BBS9: variants seen among roughly 807,000 people sequenced by gnomAD.
BBS9 encodes the protein protein PTHB1.
Under a neutral mutation model 117.7 loss-of-function variants are expected in BBS9, and 89 were observed. That is an observed-to-expected ratio of 0.76 (90% confidence interval 0.64 to 0.90). The LOEUF is 0.90. Ranked by LOEUF, BBS9 falls within the 40% of genes least tolerant of loss-of-function variation. The probability of loss-of-function intolerance (pLI) is 0.00; values close to 1 mark genes in which losing one functional copy is unlikely to be tolerated. For missense variants in BBS9, 982 were observed against 1,042.2 expected (o/e 0.94, Z 0.80); for synonymous variants, 379 against 370.9 (o/e 1.02, Z -0.25).
chr7:33,634,569 ACC>A lies in BBS9; in HGVS notation c.2522-606_2522-605del, dbSNP rs1866053928. ...CACAGGCACCCTGTCAGATGCCCCT[ACC>A]CTCAGTGCTATCTTACCTTGGTCCT... On this transcript the variant is annotated intron_variant, in intron 21 of 21. Transcript: ENST00000671952. Among the ~76,000 whole-genome samples the A allele has an allele frequency of 3.9e-5, 6 of 152,240 alleles. No individual in the cohort carries two copies. The South Asian group carries it at 1.2e-3, about 32-fold the overall frequency.
At position 33,465,130 on chromosome 7, in the gene BBS9, C is replaced by T. The variant is rs571478305; in HGVS notation, c.2116-40333C>T. Among the ~76,000 whole-genome samples, 8 of 151,622 alleles carry T rather than the reference C, an allele frequency of 5.3e-5. No individual in the cohort carries two copies. The East Asian group carries it at 5.8e-4, about 11-fold the overall frequency. ...TTCCATAAAAGCCAGAGTTCCTGTACGTGTCTCAGTTGTTTTGCAGCATGT... is the reference window on the plus strand; with the variant it reads ...TTCCATAAAAGCCAGAGTTCCTGTATGTGTCTCAGTTGTTTTGCAGCATGT... On this transcript the variant is annotated intron_variant, in intron 19 of 22. Transcript: ENST00000242067.
chr7:33,141,542 AT>A (rs985738588), intron 1 of BBS9, among the ~76,000 whole-genome samples: 3 of 152,206 alleles, frequency 2.0e-5, no homozygotes, highest in African/African-American at 7.2e-5. Flanking sequence ...TAATTTTTTT[AT>A]TCCTTGTAGA....
chr7:33,223,849 C>T (rs1021691823), intron 5 of BBS9, among the ~76,000 whole-genome samples: 7 of 152,132 alleles, frequency 4.6e-5, no homozygotes, highest in Non-Finnish European at 7.3e-5. Flanking sequence ...AGATAGCTTC[C>T]GCTCCAAGGC....
chr7:33,594,025 T>C (rs1241432184), intron 21 of BBS9, among the ~76,000 whole-genome samples: 1 of 152,164 alleles, frequency 6.6e-6, no homozygotes, highest in African/African-American at 2.4e-5. Flanking sequence ...CCTATCATTA[T>C]TCAAGTTGTG....
intron 1 of BBS9, among the ~76,000 whole-genome samples, chr7:33,131,152 C>T (rs1257386640): frequency 6.6e-6 from 1 of 152,152 alleles, no homozygotes; most frequent in Non-Finnish European, 1.5e-5. Flanking sequence ...GTTTGGCATT[C>T]GTAATTGTGT....
At chr7:33,602,655 G>A (rs1241883989) in intron 21 of BBS9, among the ~76,000 whole-genome samples, 4 of 152,162 alleles carry the variant, frequency 2.6e-5, no homozygotes, top group African/African-American at 7.2e-5. Context: ...CTTGAACCTG[G>A]GAGACGGAGG....
intron 9 of BBS9, among the ~76,000 whole-genome samples, chr7:33,281,179 T>A (rs1801813123): frequency 6.6e-6 from 1 of 151,782 alleles, no homozygotes; most frequent in Admixed American, 6.6e-5. Context: ...ATAAGCTTTT[T>A]GGTTTAGATA....
At chr7:33,495,931 A>C (rs2129002641) in intron 19 of BBS9, among the ~76,000 whole-genome samples, 1 of 152,290 alleles carries the variant, frequency 6.6e-6, no homozygotes, top group Non-Finnish European at 1.5e-5. Context: ...GAAATGTCTC[A>C]GAAATAATTT....
intron 17 of BBS9, among the ~76,000 whole-genome samples, chr7:33,381,310 T>C (rs577707850): frequency 1.3e-5 from 2 of 152,316 alleles, no homozygotes; most frequent in East Asian, 3.9e-4. Flanking sequence ...AGAAGAGTGA[T>C]GGCAGAAGCA....
Position 33,351,477 on chromosome 7 carries a change from G to A in BBS9, c.1537+154G>A, listed in dbSNP as rs35557465. On this transcript the variant is annotated intron_variant, in intron 14 of 22. Coordinates refer to ENST00000242067, the MANE Select transcript of BBS9 (RefSeq NM_198428.3). Reference sequence around the variant, plus strand: ...AAAATCATGTTTTCATTACTTTTATGTGTTATGAGTAGTTCGTGATAAGGC... The same window carrying A: ...AAAATCATGTTTTCATTACTTTTATATGTTATGAGTAGTTCGTGATAAGGC... 0.19 allele frequency: 132,472 copies of A among 696,432 alleles called. 13,677 individuals carry two copies. The highest frequency in any genetic ancestry group is 0.23 in the South Asian group (15,049 of 65,376). The allele number at this position is 696,432 out of a possible 1,614,324, so 43.1% of individuals were successfully genotyped here.
At chr7:33,557,373 A>G (rs734530) in intron 21 of BBS9, among the ~76,000 whole-genome samples, 14,710 of 152,204 alleles carry the variant, frequency 0.097, 819 homozygotes, top group African/African-American at 0.15. Context: ...TCTGAATCTA[A>G]GGTTTCTGGT....
intron 5 of BBS9, among the ~76,000 whole-genome samples, chr7:33,207,531 G>A (rs946796368): frequency 2.7e-5 from 4 of 149,246 alleles, no homozygotes; most frequent in African/African-American, 7.3e-5. Context: ...CTTGTGACAT[G>A]TCTTCTTTTT....
Position 33,293,217 on chromosome 7 carries a change from G to A in BBS9, c.1016+19261G>A, listed in dbSNP as rs564293322. 4.6e-5 allele frequency among the ~76,000 whole-genome samples: 7 copies of A among 151,678 alleles called. No individual in the cohort carries two copies. The South Asian group carries it at 1.5e-3, about 32-fold the overall frequency. ...AATATTTTATATTTTTATTAAACTT[G>A]AATACATGCATATTATCATTTTCCA... On this transcript the variant is annotated intron_variant, in intron 9 of 22. Transcript: ENST00000242067.
chr7:33,166,247 C>G (rs1291206940), intron 4 of BBS9, among the ~76,000 whole-genome samples: 2 of 152,188 alleles, frequency 1.3e-5, no homozygotes, highest in Non-Finnish European at 2.9e-5. Context: ...CAGAAGGGCA[C>G]CCTCCTGTAT....
At position 33,473,448 on chromosome 7, in the gene BBS9, C is replaced by T. The variant is rs182600068; in HGVS notation, c.2116-32015C>T. Among the ~76,000 whole-genome samples, 483 of 151,964 alleles carry T rather than the reference C, an allele frequency of 3.2e-3. 7 individuals carry two copies. In the South Asian group the frequency reaches 0.037, roughly 12 times the overall value. ...AAGCAGTTCTCCTGCCTCAGCCTCC[C>T]AACTAGCTGGGATTACAGGGACCCG... On this transcript the variant is annotated intron_variant, in intron 19 of 22. Coordinates refer to ENST00000242067, the MANE Select transcript of BBS9 (RefSeq NM_198428.3).
intron 2 of BBS9, among the ~76,000 whole-genome samples, chr7:33,151,680 G>C (rs1793346966): frequency 6.6e-6 from 1 of 151,970 alleles, no homozygotes; most frequent in Non-Finnish European, 1.5e-5. Context: ...CTCCTGGGTA[G>C]CTGGGATTAC....
chr7:33,396,058 T>G (rs1212272670), intron 19 of BBS9, among the ~76,000 whole-genome samples: 6 of 152,054 alleles, frequency 3.9e-5, no homozygotes, highest in African/African-American at 1.4e-4. Context: ...TGTTTGTGGA[T>G]GAACAGGGGT....
In BBS9 at chr7:33,321,818, G is replaced by A. The variant is rs561386937; in HGVS notation, c.1017-14623G>A. Among the ~76,000 whole-genome samples, 15 of 151,882 alleles carry A rather than the reference G, an allele frequency of 9.9e-5. No individual in the cohort carries two copies. In the South Asian group the frequency reaches 1.9e-3, roughly 19 times the overall value. Reference sequence around the variant, plus strand: ...TCCAGATCTTAGAGGAAAGGCTTTCGGTTTTTCCCATTCAGTATGATATTA... The same window carrying A: ...TCCAGATCTTAGAGGAAAGGCTTTCAGTTTTTCCCATTCAGTATGATATTA... On this transcript the variant is annotated intron_variant, in intron 9 of 22. Transcript: ENST00000242067.
intron 20 of BBS9, 132 bp downstream of exon 20, chr7:33,505,777 C>T (rs1245234668): frequency 5.2e-6 from 5 of 970,872 alleles, no homozygotes; most frequent in East Asian, 2.6e-5. Flanking sequence ...ATGCTGCTTT[C>T]CTTGTCTTTA....
Sources: gnomAD v4.1 joint callset for allele counts (sites outside exome capture counted in the v4.1 genomes callset) on GRCh38, gnomAD v4.1.1 for gene constraint, MANE v1.5 for transcripts, NCBI Gene and HGNC (gene_info 2026-07-23, HGNC 2026-07-21) for gene names.